PDPR: variants seen among roughly 807,000 people sequenced by gnomAD.
The protein encoded by PDPR is pyruvate dehydrogenase phosphatase regulatory subunit, mitochondrial.
A neutral mutation model predicts 102.2 loss-of-function variants in PDPR; 50 were observed. The observed-to-expected ratio is 0.49, with a 90% CI of 0.39 to 0.62. The LOEUF (loss-of-function observed/expected upper bound fraction) is 0.62. Among genes scored for constraint, PDPR ranks in the 20% least tolerant of loss-of-function variants. The pLI, the probability that PDPR is intolerant of heterozygous loss-of-function variation, is 0.00. For missense variants in PDPR, 625 were observed against 1,098.2 expected, an observed-to-expected ratio of 0.57 and a Z score of 6.09; for synonymous variants, 259 against 406.0, an observed-to-expected ratio of 0.64 and a Z score of 4.35.
rs59176444 is a variant in PDPR, at chr16:70,135,236, C to CTTTTT, written c.998-947_998-943dup. ...CAGCTATTCCAATGCAGAACATTGC[C>CTTTTT]TTTTTTTTTTTTTTTCCTGAGATGG... is the stretch of plus-strand genomic sequence containing the variant. On this transcript the variant is annotated intron_variant, in intron 9 of 18. Coordinates refer to ENST00000288050, the MANE Select transcript of PDPR (RefSeq NM_017990.5). Among the ~76,000 whole-genome samples the CTTTTT allele has an allele frequency of 4.2e-4, 61 of 143,964 alleles. 1 individual carries two copies. Among genetic ancestry groups the CTTTTT allele is most frequent in the African/African-American group, 1.5e-3 (59 of 38,606 alleles). 94.4% of individuals were successfully genotyped at this position (143,964 alleles called of 152,430 possible).
At chr16:70,123,486 C>A (rs992721984) in intron 3 of PDPR, among the ~76,000 whole-genome samples, 1 of 152,270 alleles carries the variant, frequency 6.6e-6, no homozygotes, top group Non-Finnish European at 1.5e-5. Context: ...GATCCGCCCA[C>A]CTCAACCTCC....
chr16:70,123,675 C>G (rs536959720), intron 3 of PDPR, among the ~76,000 whole-genome samples: 3 of 152,246 alleles, frequency 2.0e-5, no homozygotes, highest in Non-Finnish European at 2.9e-5. Context: ...TAGGGAGGTT[C>G]ATTTTTGGTT....
intron 11 of PDPR, among the ~76,000 whole-genome samples, chr16:70,141,725 CG>C (rs1293119212): frequency 6.6e-6 from 1 of 152,278 alleles, no homozygotes. Flanking sequence ...CAGGGAGGGA[CG>C]ATAGCAGCTT....
intron 2 of PDPR, among the ~76,000 whole-genome samples, chr16:70,116,082 G>T: frequency 6.8e-6 from 1 of 147,160 alleles, no homozygotes; most frequent in Non-Finnish European, 1.5e-5. Context: ...CTTTTTTGGC[G>T]CCAAGCACCC....
In PDPR at chr16:70,153,334, G is replaced by GCT. The variant is rs1383411628; in HGVS notation, c.2053-55_2053-54dup. 5.2e-6 allele frequency: 8 copies of GCT among 1,538,470 alleles called. No individual in the cohort carries two copies. In the South Asian group the frequency reaches 8.5e-5, roughly 16 times the overall value. Reference sequence around the variant, plus strand: ...GTGAGCCATCAGCGCTTCCAGACATGCTCCATGCTTAATTCTGAAGGTCTG... The same window carrying GCT: ...GTGAGCCATCAGCGCTTCCAGACATGCTCTCCATGCTTAATTCTGAAGGTCTG... On this transcript the variant is annotated intron_variant, in intron 17 of 18. Coordinates refer to ENST00000288050, the MANE Select transcript of PDPR (RefSeq NM_017990.5).
chr16:70,140,868 C>T (rs1404266845), intron 11 of PDPR, among the ~76,000 whole-genome samples: 2 of 152,078 alleles, frequency 1.3e-5, no homozygotes, highest in Non-Finnish European at 2.9e-5. Context: ...ATGATAGAAC[C>T]GAAAGTACTA....
intron 17 of PDPR, among the ~76,000 whole-genome samples, chr16:70,151,293 C>T (rs1366198048): frequency 6.6e-6 from 1 of 152,236 alleles, no homozygotes; most frequent in Non-Finnish European, 1.5e-5. Context: ...TGGACTCTAA[C>T]TCCAGCCTCA....
At chr16:70,120,404 C>G (rs1963117313) in intron 2 of PDPR, 57 bp from the exon 3 acceptor site, 1 of 869,372 alleles carries the variant, frequency 1.2e-6, no homozygotes, top group Admixed American at 2.2e-5. Flanking sequence ...ATCCCTTTCT[C>G]ATTAATCCCA....
intron 16 of PDPR, among the ~76,000 whole-genome samples, chr16:70,146,568 G>A (rs1190990914): frequency 1.7e-5 from 2 of 120,082 alleles, no homozygotes; most frequent in Non-Finnish European, 3.4e-5. Flanking sequence ...GCAGTGAGCC[G>A]AGAACACGCC....
chr16:70,134,964 C>A (rs1218726311), intron 9 of PDPR, among the ~76,000 whole-genome samples: 2 of 152,158 alleles, frequency 1.3e-5, no homozygotes, highest in African/African-American at 4.8e-5. Context: ...TGGCTTACAC[C>A]TGTAATTCCA....
intron 18 of PDPR, among the ~76,000 whole-genome samples, chr16:70,156,117 C>T (rs112214081): frequency 0.12 from 17,086 of 146,994 alleles, 1 homozygote; most frequent in African/African-American, 0.14. Flanking sequence ...TGAGCCACCA[C>T]GACTGGCCAA....
intron 2 of PDPR, among the ~76,000 whole-genome samples, chr16:70,119,783 C>T (rs28558744): frequency 0.2 from 15,591 of 79,264 alleles, 2,857 homozygotes; most frequent in African/African-American, 0.41. Flanking sequence ...TGGTGTTCTC[C>T]TCATTCACAC....
In PDPR at chr16:70,142,375, T is replaced by C. The variant is rs762606388; in HGVS notation, c.1457T>C (p.Val486Ala). The change falls in exon 12 of 19, where the codon GTT (valine) becomes GCT (alanine). Residue 486 changes from valine (V) to alanine (A), a missense_variant. Around this residue, in one of 11 missense-constraint regions of PDPR, gnomAD observed 34 missense variants for 76.6 expected, o/e 0.44. Transcript: ENST00000288050. The part of the protein sequence containing the change: ...KHGFERPKYF[V>A]PPDKDLLALE... ...GGATTTGAGAGGCCAAAGTACTTTG[T>C]TCCCCCCGACAAGGGTAAGAAGTCA... The C allele has an allele frequency of 1.2e-6, 2 of 1,613,826 alleles. No homozygotes were observed. Among genetic ancestry groups the C allele is most frequent in the Non-Finnish European group, 1.7e-6 (2 of 1,179,854 alleles).
intron 2 of PDPR, among the ~76,000 whole-genome samples, chr16:70,117,378 CATG>C (rs1962752014): frequency 6.8e-6 from 1 of 147,498 alleles, no homozygotes; most frequent in Non-Finnish European, 1.5e-5. Context: ...ATTAGCCAGG[CATG>C]GTGGTGGGTG....
chr16:70,148,589 TCC>T (rs756270298), intron 17 of PDPR, 36 bp downstream of exon 17: 16 of 206,910 alleles, frequency 7.7e-5, no homozygotes, highest in Non-Finnish European at 1.1e-4. Context: ...TCCCTTCACT[TCC>T]CTTCCCTTCC....
chr16:70,125,572 A>T (rs372718573), intron 3 of PDPR, among the ~76,000 whole-genome samples: 249 of 93,496 alleles, frequency 2.7e-3, no homozygotes, highest in South Asian at 0.013. Flanking sequence ...AAAAAAAAAA[A>T]AAGTATATAT....
At chr16:70,127,617 G>A (rs1274724333) in intron 4 of PDPR, among the ~76,000 whole-genome samples, 4 of 152,216 alleles carry the variant, frequency 2.6e-5, no homozygotes, top group Admixed American at 2.0e-4. Context: ...GTGAAACCCC[G>A]TCTCTACTAA....
intron 3 of PDPR, among the ~76,000 whole-genome samples, chr16:70,121,263 A>C (rs1963238155): frequency 6.6e-6 from 1 of 151,836 alleles, no homozygotes; most frequent in Non-Finnish European, 1.5e-5. Flanking sequence ...TTTTAGGTCA[A>C]GTATTTTCTG....
rs201603090 is a variant in PDPR, at chr16:70,136,235, G to C, written c.1039G>C (p.Glu347Gln). The C allele has an allele frequency of 3.5e-4, 565 of 1,610,422 alleles. 2 individuals carry two copies. Among genetic ancestry groups the C allele is most frequent in the Middle Eastern group, 3.3e-4 (2 of 6,068 alleles). Residue 347 changes from glutamate to glutamine, a missense_variant, in exon 10 of 19, where the codon GAG (glutamate) becomes CAG (glutamine). Glu to Gln is a conservative substitution (Grantham distance 29). Around this residue, in one of 11 missense-constraint regions of PDPR, gnomAD observed 50 missense variants for 79.9 expected, o/e 0.63. Transcript: ENST00000288050. ...SSLLRRMPEL[E>Q]TLEIMKLVNC... ...CCTTCTGAGGAGGATGCCAGAATTA[G>C]AGACTCTGGAGATCATGAAGTTGGT...
Sources: allele counts gnomAD v4.1 joint callset (sites outside exome capture counted in the v4.1 genomes callset), GRCh38; gene constraint gnomAD v4.1.1; regional missense constraint gnomAD v4.1.1; transcripts MANE v1.5; gene names NCBI Gene and HGNC (gene_info 2026-07-23, HGNC 2026-07-21).